The following STX19 variants were observed in gnomAD, a reference collection of about 807,000 sequenced individuals.
The protein encoded by STX19 is syntaxin-19.
Under a neutral mutation model 24.3 loss-of-function variants are expected in STX19, and 26 were observed. That is an observed-to-expected ratio of 1.07 (90% CI 0.78 to 1.48). The LOEUF is 1.48. Ranked by LOEUF, STX19 falls within the 40% of genes most tolerant of loss-of-function variation. The pLI is 0.00. For missense variants in STX19, 367 were observed against 331.9 expected (o/e 1.11, Z -0.82); for synonymous variants, 116 against 106.9 (o/e 1.09, Z -0.52).
In STX19 at chr3:94,014,423, G is replaced by A. The variant is rs1422777342; in HGVS notation, c.847C>T (p.Leu283=). 1 of 1,577,664 alleles carries A rather than the reference G, an allele frequency of 6.3e-7. No homozygotes were observed. The highest frequency in any genetic ancestry group is 8.6e-7 in the Non-Finnish European group (1 of 1,167,958). The part of the protein sequence containing the change: ...KYKKRNPCRV[L]CCWCCPCCSS... ...CAGCATGGACAGCACCAACAACACA[G>A]TACTCTGCAAGGATTTCTTTTTTTG... Residue 283 remains leucine, a synonymous_variant, in exon 2 of 2, where the codon CTG becomes TTG. Transcript: ENST00000315099.
rs946430724 is a variant in STX19 at position 94,014,376 on chromosome 3, A to G, written c.*9T>C. 2 of 1,514,224 alleles carry G rather than the reference A, an allele frequency of 1.3e-6. No homozygotes were observed. The highest frequency in any genetic ancestry group is 4.6e-5 in the East Asian group (2 of 43,570). The allele number at this position is 1,514,224 out of a possible 1,614,324, so 93.8% of individuals were successfully genotyped here. On this transcript the variant is annotated 3_prime_UTR_variant, in exon 2 of 2. Transcript: ENST00000315099. ...CCGTAAAGCTGGAAAAAGTTTTAAA[A>G]TAGCTTCTTTATTTTGAGCTACAGC...
chr3:94,016,786 A>G (rs1257166125), intron 1 of STX19, among the ~76,000 whole-genome samples: 2 of 151,732 alleles, frequency 1.3e-5, no homozygotes, highest in Non-Finnish European at 2.9e-5. Flanking sequence ...AGCTGGGATT[A>G]CAGGTGCCTG....
Position 94,015,064 on chromosome 3 carries a change from T to G in STX19, c.206A>C (p.Gln69Pro), listed in dbSNP as rs2107489748. The change falls in exon 2 of 2, where the codon CAA becomes CCA. Residue 69 changes from glutamine (Q) to proline (P), a missense_variant. Coordinates refer to ENST00000315099, the MANE Select transcript of STX19 (RefSeq NM_001001850.3). ...ESINNLADNVQKFGQQQKSLV... is the reference protein window; with the variant it reads ...ESINNLADNVPKFGQQQKSLV... ...ACTTTTCTGTTGCTGCCCAAATTTT[T>G]GAACATTATCTGCCAAATTGTTAAT... is the stretch of plus-strand genomic sequence containing the variant. 1 of 1,614,002 alleles carries G rather than the reference T, an allele frequency of 6.2e-7. No individual in the cohort carries two copies. Among genetic ancestry groups the G allele is most frequent in the African/African-American group, 1.3e-5 (1 of 75,034 alleles).
At chr3:94,027,001 A>T (rs1053059085) in intron 1 of STX19, among the ~76,000 whole-genome samples, 1 of 152,148 alleles carries the variant, frequency 6.6e-6, no homozygotes, top group Non-Finnish European at 1.5e-5. Context: ...AGAAACAGAA[A>T]CATGAGTAAA....
chr3:94,026,046 GTCTC>G (rs1370149338), intron 1 of STX19, among the ~76,000 whole-genome samples: 2 of 147,372 alleles, frequency 1.4e-5, no homozygotes, highest in Admixed American at 6.8e-5. Context: ...TTGAGACGGA[GTCTC>G]TCTCTGTCGC....
At chr3:94,020,782 A>G (rs148820541) in intron 1 of STX19, among the ~76,000 whole-genome samples, 195 of 152,276 alleles carry the variant, frequency 1.3e-3, no homozygotes, top group African/African-American at 4.5e-3. Context: ...GCATTCTACT[A>G]TTTATTTCAC....
chr3:94,024,225 A>G (rs560972157), intron 1 of STX19, among the ~76,000 whole-genome samples: 2 of 152,298 alleles, frequency 1.3e-5, no homozygotes, highest in East Asian at 1.9e-4. Flanking sequence ...CACCTTGACT[A>G]TGAATTCTTA....
At position 94,015,100 on chromosome 3, in the gene STX19, A is replaced by G; in HGVS notation, c.170T>C (p.Leu57Pro). 1 of 1,613,804 alleles carries G rather than the reference A, an allele frequency of 6.2e-7. No individual in the cohort carries two copies. The highest frequency in any genetic ancestry group is 8.5e-7 in the Non-Finnish European group (1 of 1,179,900). Residue 57 changes from leucine (L) to proline (P), a missense_variant, in exon 2 of 2, where the codon CTA (leucine) becomes CCA (proline). Physicochemically the swap from Leu to Pro is moderately conservative, Grantham distance 98. Coordinates refer to ENST00000315099, the MANE Select transcript of STX19 (RefSeq NM_001001850.3). ...AERHLHEIQK[L>P]QESINNLADN... ...TGCCAAATTGTTAATACTTTCCTGT[A>G]GTTTTTGGATTTCATGTAGGTGTCT...
At chr3:94,022,050 A>G (rs2076460437) in intron 1 of STX19, among the ~76,000 whole-genome samples, 1 of 152,048 alleles carries the variant, frequency 6.6e-6, no homozygotes, top group South Asian at 2.1e-4. Context: ...TCAGCTCCTT[A>G]GCTATATGTT....
At chr3:94,021,992 C>T (rs60331129) in intron 1 of STX19, among the ~76,000 whole-genome samples, 6,603 of 152,176 alleles carry the variant, frequency 0.043, 227 homozygotes, top group African/African-American at 0.094. Flanking sequence ...TACCACATCC[C>T]CTTTCCAATT....
At chr3:94,021,016 C>T (rs1243944177) in intron 1 of STX19, among the ~76,000 whole-genome samples, 2 of 151,764 alleles carry the variant, frequency 1.3e-5, no homozygotes, top group Non-Finnish European at 2.9e-5. Flanking sequence ...CTAACCAAAG[C>T]TAGTGTTTCT....
chr3:94,027,225 C>T (rs2076575652), intron 1 of STX19, among the ~76,000 whole-genome samples: 1 of 151,894 alleles, frequency 6.6e-6, no homozygotes, highest in Non-Finnish European at 1.5e-5. Context: ...CAAGTGAAAG[C>T]AGAGGATCTT....
At chr3:94,023,930 TTACAC>T (rs2076503270) in intron 1 of STX19, among the ~76,000 whole-genome samples, 1 of 152,170 alleles carries the variant, frequency 6.6e-6, no homozygotes, top group Admixed American at 6.5e-5. Context: ...ATTGATCACT[TTACAC>T]TATAAAAGAA....
At chr3:94,020,654 A>T (rs1414148476) in intron 1 of STX19, among the ~76,000 whole-genome samples, 1 of 152,224 alleles carries the variant, frequency 6.6e-6, no homozygotes, top group Middle Eastern at 3.2e-3. Context: ...AGATATTAAA[A>T]GTTTATTCGG....
At chr3:94,015,380 TCTC>T in intron 1 of STX19, 98 bp from the exon 2 acceptor site, 2 of 863,038 alleles carry the variant, frequency 2.3e-6, no homozygotes, top group Non-Finnish European at 3.3e-6. Context: ...CAGCAAAAGT[TCTC>T]CTAGTTTTCT....
intron 1 of STX19, among the ~76,000 whole-genome samples, chr3:94,025,331 C>A (rs780668676): frequency 6.6e-6 from 1 of 151,696 alleles, no homozygotes; most frequent in Non-Finnish European, 1.5e-5. Context: ...ATCAGGTTTC[C>A]TTTCAGTGTT....
At position 94,014,709 on chromosome 3, in the gene STX19, A is replaced by C; in HGVS notation, c.561T>G (p.His187Gln). ...MSEEDVNDML[H>Q]QGKWEVFNES... ...CATTAAAAACTTCCCATTTTCCTTG[A>C]TGAAGCATATCATTTACATCTTCTT... The change falls in exon 2 of 2, where the codon CAT becomes CAG. Residue 187 changes from histidine to glutamine, a missense_variant. His to Gln is a conservative substitution (Grantham distance 24). Transcript: ENST00000315099. 6.2e-7 allele frequency: 1 copy of C among 1,612,854 alleles called. No homozygotes were observed. Among genetic ancestry groups the C allele is most frequent in the African/African-American group, 1.3e-5 (1 of 74,970 alleles).
rs560184488 is a variant in STX19 at position 94,017,218 on chromosome 3, G to A, written c.-13-1936C>T. On this transcript the variant is annotated intron_variant, in intron 1 of 1. Transcript: ENST00000315099. ...ATATTTGTCCTGTAAAAGAGAAGAT[G>A]TAGGGTGTGTATACAGCTGTCTTCT... 6.6e-5 allele frequency among the ~76,000 whole-genome samples: 10 copies of A among 152,320 alleles called. No individual in the cohort carries two copies. In the South Asian group the frequency reaches 2.1e-3, roughly 32 times the overall value.
intron 1 of STX19, among the ~76,000 whole-genome samples, chr3:94,019,252 A>G (rs1238987287): frequency 6.6e-6 from 1 of 151,816 alleles, no homozygotes; most frequent in East Asian, 1.9e-4. Context: ...GCTGGAGTGC[A>G]GTGGCACAAT....
Sources: allele counts gnomAD v4.1 joint callset (sites outside exome capture counted in the v4.1 genomes callset), GRCh38; gene constraint gnomAD v4.1.1; transcripts MANE v1.5; gene names NCBI Gene and HGNC (gene_info 2026-07-23, HGNC 2026-07-21).